Variants in EPG5 observed in about 807,000 individuals in gnomAD.
The protein encoded by EPG5 is ectopic P granules protein 5 homolog.
In EPG5, 159 loss-of-function variants were observed where a neutral mutation model predicts 302.7. The ratio of observed to expected loss-of-function variants is 0.53; its 90% CI spans 0.46 to 0.60. EPG5 has a LOEUF of 0.60. Ranked by LOEUF, EPG5 falls within the 20% of genes least tolerant of loss-of-function variation. The pLI is 0.00. For missense variants in EPG5, 2,896 were observed against 3,092.4 expected (o/e 0.94, Z 1.51); for synonymous variants, 1,158 against 1,136.8 (o/e 1.02, Z -0.37).
chr18:45,825,841 T>C, the EPG5 span: 2 of 1,579,372 alleles, frequency 1.3e-6, no homozygotes, highest in Non-Finnish European at 1.7e-6. Flanking sequence ...GAAAGCATCT[T>C]AGGTACAGTC....
At chr18:45,949,618 A>C in intron 4 of EPG5, 27 bp from the exon 5 acceptor site, 190 of 1,436,294 alleles carry the variant, frequency 1.3e-4, no homozygotes, top group Middle Eastern at 1.8e-4. Flanking sequence ...ATATGATCTC[A>C]CTATTTTTAA....
intron 2 of EPG5, 120 bp from the exon 3 acceptor site, chr18:45,952,763 T>A: frequency 9.7e-7 from 1 of 1,026,970 alleles, no homozygotes; most frequent in Non-Finnish European, 1.4e-6. Context: ...ATAATCATGG[T>A]GAGGAGACAT....
At chr18:45,874,815 G>A (rs372461097) in intron 35 of EPG5, among the ~76,000 whole-genome samples, 1 of 152,184 alleles carries the variant, frequency 6.6e-6, no homozygotes, top group African/African-American at 2.4e-5. Flanking sequence ...AGGGGCACTA[G>A]GTGTATTCAG....
chr18:45,866,884 C>G lies in EPG5; in HGVS notation c.6535G>C (p.Ala2179Pro). The stretch of plus-strand genomic sequence containing the variant: ...ATTAATTCAGCATAAGATTCTTTTG[C>G]CAGGATGATGGACGGCGGGTAATGG... ...SSHYPPSIIL[A>P]KESYAELIMK... Residue 2179 changes from alanine (A) to proline (P), a missense_variant, in exon 38 of 44, where the codon GCA becomes CCA. Transcript: ENST00000282041. The G allele has an allele frequency of 6.2e-7, 1 of 1,614,138 alleles. No homozygotes were observed. Among genetic ancestry groups the G allele is most frequent in the East Asian group, 2.2e-5 (1 of 44,884 alleles).
intron 1 of EPG5, among the ~76,000 whole-genome samples, chr18:45,960,025 G>A (rs987697254): frequency 3.3e-5 from 5 of 151,918 alleles, no homozygotes; most frequent in Admixed American, 1.3e-4. Context: ...TGGCTCACAC[G>A]TGTAATCCCA....
chr18:45,841,258 T>C, the EPG5 span, among the ~76,000 whole-genome samples: 2 of 151,550 alleles, frequency 1.3e-5, no homozygotes, highest in African/African-American at 2.4e-5. Flanking sequence ...CCTGGGCAGG[T>C]AGGAGCGGTG....
At chr18:45,807,438 A>G in the EPG5 span, among the ~76,000 whole-genome samples, 1 of 152,184 alleles carries the variant, frequency 6.6e-6, no homozygotes, top group Non-Finnish European at 1.5e-5. Context: ...AAAATACTAC[A>G]TTAAACCACC....
intron 9 of EPG5, among the ~76,000 whole-genome samples, chr18:45,942,781 G>GA (rs1382472064): frequency 6.6e-6 from 1 of 151,950 alleles, no homozygotes; most frequent in Non-Finnish European, 1.5e-5. Context: ...TAATAAAGCA[G>GA]AAAAAAGAGT....
intron 33 of EPG5, 91 bp downstream of exon 33, chr18:45,878,922 A>G (rs1204694454): frequency 2.0e-6 from 2 of 1,004,580 alleles, no homozygotes; most frequent in African/African-American, 3.2e-5. Flanking sequence ...TCTCCTTGAC[A>G]CTCAATATAA....
chr18:45,875,893 A>G (rs2048958771), intron 35 of EPG5, among the ~76,000 whole-genome samples: 1 of 152,068 alleles, frequency 6.6e-6, no homozygotes, highest in Non-Finnish European at 1.5e-5. Context: ...CGTCTCTACT[A>G]AAACTACAAA....
chr18:45,895,128 G>A (rs1338062479), intron 27 of EPG5, among the ~76,000 whole-genome samples: 17 of 152,198 alleles, frequency 1.1e-4, no homozygotes. Flanking sequence ...AGCAACTTTG[G>A]AAAATACAGG....
intron 23 of EPG5, 40 bp downstream of exon 23, chr18:45,910,481 C>A: frequency 6.8e-7 from 1 of 1,471,054 alleles, no homozygotes; most frequent in Non-Finnish European, 9.3e-7. Context: ...AGTACCTGTG[C>A]TGCAAACAAC....
chr18:45,948,592 C>T lies in EPG5; in HGVS notation c.1498-16G>A, dbSNP rs753150239. ...ACACTTTGATCTGAAATCAGAAAAG[C>T]AAAAAGCATACTGTAGAAAACAAAT... On this transcript the variant is annotated splice_polypyrimidine_tract_variant and intron_variant, in intron 5 of 43. Coordinates refer to ENST00000282041, the MANE Select transcript of EPG5 (RefSeq NM_020964.3). The T allele has an allele frequency of 6.2e-7, 1 of 1,603,124 alleles. No homozygotes were observed. The highest frequency in any genetic ancestry group is 1.1e-5 in the South Asian group (1 of 90,748).
chr18:45,966,453 T>C (rs939255392), intron 1 of EPG5, among the ~76,000 whole-genome samples: 5 of 151,994 alleles, frequency 3.3e-5, no homozygotes, highest in African/African-American at 1.2e-4. Flanking sequence ...TGTATATATG[T>C]GTACATATGT....
chr18:45,902,832 G>A (rs1331387975), intron 25 of EPG5, among the ~76,000 whole-genome samples: 1 of 152,204 alleles, frequency 6.6e-6, no homozygotes, highest in Non-Finnish European at 1.5e-5. Context: ...CCAATAACCA[G>A]CTATGTGGCC....
chr18:45,820,339 G>T, the EPG5 span, among the ~76,000 whole-genome samples: 1 of 152,146 alleles, frequency 6.6e-6, no homozygotes, highest in Non-Finnish European at 1.5e-5. Flanking sequence ...CCCATGTCAT[G>T]TATTAGGAAA....
chr18:45,802,785 A>C, the EPG5 span, among the ~76,000 whole-genome samples: 1 of 152,236 alleles, frequency 6.6e-6, no homozygotes, highest in East Asian at 1.9e-4. Flanking sequence ...TCTTGATGGT[A>C]AATAAAAGTG....
chr18:45,889,858 G>A lies in EPG5; in HGVS notation c.4892C>T (p.Ala1631Val). The A allele has an allele frequency of 6.2e-7, 1 of 1,612,414 alleles. No individual in the cohort carries two copies. The highest frequency in any genetic ancestry group is 8.5e-7 in the Non-Finnish European group (1 of 1,179,124). ...AATATTAAGTGATGGTGGTTTAGCA[G>A]CTTCTGCTTGCAACTGCTTCACTTC... ...RKEVKQLQAE[A>V]AKPPSLNIVE... Residue 1631 changes from alanine to valine, a missense_variant, in exon 28 of 44, where the codon GCT becomes GTT. Around this residue, in one of 5 missense-constraint regions of EPG5, gnomAD observed 790 missense variants for 798.0 expected, o/e 0.99. Coordinates refer to ENST00000282041, the MANE Select transcript of EPG5 (RefSeq NM_020964.3).
At chr18:45,911,110 CATAT>C in intron 22 of EPG5, among the ~76,000 whole-genome samples, 1 of 127,970 alleles carries the variant, frequency 7.8e-6, no homozygotes, top group Admixed American at 8.1e-5. Flanking sequence ...CACACACACA[CATAT>C]ATATATATAT....
Sources: allele counts gnomAD v4.1 joint callset (sites outside exome capture counted in the v4.1 genomes callset), GRCh38; gene constraint gnomAD v4.1.1; regional missense constraint gnomAD v4.1.1; transcripts MANE v1.5; gene names NCBI Gene and HGNC (gene_info 2026-07-23, HGNC 2026-07-21).